The following AKT3 variants were observed in gnomAD, a reference collection of about 807,000 sequenced individuals.
AKT3 encodes the protein RAC-gamma serine/threonine-protein kinase.
A neutral mutation model predicts 65.3 loss-of-function variants in AKT3; 15 were observed. The observed-to-expected ratio is 0.23, with a 90% CI of 0.15 to 0.35. The LOEUF (loss-of-function observed/expected upper bound fraction) is 0.35, where lower values mean the gene tolerates loss of function less well. AKT3 is among the 10% of genes least tolerant of loss of function. The pLI is 1.00. For missense variants in AKT3, 243 were observed against 576.5 expected (o/e 0.42, Z 5.92); for synonymous variants, 206 against 183.8 (o/e 1.12, Z -0.98).
chr1:243,660,558 T>C (rs545328191), intron 4 of AKT3, among the ~76,000 whole-genome samples: 52 of 152,276 alleles, frequency 3.4e-4, no homozygotes, highest in Admixed American at 7.9e-4. Context: ...ATGGGATGTA[T>C]CTCAAAATAA....
At position 243,850,021 on chromosome 1, in the gene AKT3, TG is replaced by T. The variant is rs1457940523; in HGVS notation, c.-113+18del. 8.8e-5 allele frequency: 85 copies of T among 966,812 alleles called. No homozygotes were observed. Among genetic ancestry groups the T allele is most frequent in the Non-Finnish European group, 9.8e-5 (80 of 818,852 alleles). The allele number at this position is 966,812 out of a possible 1,614,324, so 59.9% of individuals were successfully genotyped here. A position where few individuals can be genotyped will look rare whatever the true frequency, so the allele number is the denominator to read the frequency against. ...GGCCAGGCGGGGAGGGGGCTAGAGT[TG>T]GGGGCGGTGGCTGTTACCTGCAACG... On this transcript the variant is annotated intron_variant, in intron 1 of 13. Transcript: ENST00000673466.
In AKT3 at chr1:243,664,287, C is replaced by A. The variant is rs558434042; in HGVS notation, c.284+485G>T. On this transcript the variant is annotated intron_variant, in intron 4 of 13. Transcript: ENST00000673466. ...TCTCGGCTCACTGCAAGCTCCACCTCCTGGGTTCATGCCATTCTCCTGCCT... is the reference window on the plus strand; with the variant it reads ...TCTCGGCTCACTGCAAGCTCCACCTACTGGGTTCATGCCATTCTCCTGCCT... Among the ~76,000 whole-genome samples, 12 of 147,292 alleles carry A rather than the reference C, an allele frequency of 8.1e-5. No individual in the cohort carries two copies. In the East Asian group the frequency reaches 2.4e-3, roughly 30 times the overall value.
chr1:243,655,211 T>G (rs548826145), intron 4 of AKT3, among the ~76,000 whole-genome samples: 1 of 152,140 alleles, frequency 6.6e-6, no homozygotes, highest in Non-Finnish European at 1.5e-5. Context: ...TGAGGTCTAG[T>G]TTGCTATTAA....
chr1:243,696,389 C>A (rs1275598705), intron 2 of AKT3, among the ~76,000 whole-genome samples: 1 of 151,840 alleles, frequency 6.6e-6, no homozygotes, highest in Admixed American at 6.6e-5. Context: ...TAAATGTATA[C>A]TTTATTAGAA....
intron 2 of AKT3, among the ~76,000 whole-genome samples, chr1:243,760,714 T>G (rs923331228): frequency 6.6e-6 from 1 of 152,174 alleles, no homozygotes; most frequent in Non-Finnish European, 1.5e-5. Flanking sequence ...AGTGCCATGT[T>G]TTTCACATTT....
At chr1:243,514,039 G>A (rs1670190357) in intron 12 of AKT3, among the ~76,000 whole-genome samples, 1 of 152,096 alleles carries the variant, frequency 6.6e-6, no homozygotes, top group South Asian at 2.1e-4. Flanking sequence ...AGAAAACCAA[G>A]GGGGTAATTG....
At chr1:243,780,505 T>A (rs1690840338) in intron 2 of AKT3, among the ~76,000 whole-genome samples, 2 of 151,670 alleles carry the variant, frequency 1.3e-5, no homozygotes, top group Non-Finnish European at 2.9e-5. Flanking sequence ...TGTCTCAAAT[T>A]TACCCTAAAA....
Position 243,501,891 on chromosome 1 carries a change from AT to A in AKT3, c.*3357del. The A allele has an allele frequency of 4.3e-6, 1 of 232,766 alleles. No homozygotes were observed. Among genetic ancestry groups the A allele is most frequent in the Non-Finnish European group, 8.5e-6 (1 of 117,774 alleles). The allele number at this position is 232,766 out of a possible 1,614,324, so 14.4% of individuals were successfully genotyped here. The stretch of plus-strand genomic sequence containing the variant: ...AAACAGTTTCTCCTAGTTATTCCAC[AT>A]CCTTGTGGGTCATATACTTCAGGAA... On this transcript the variant is annotated 3_prime_UTR_variant, in exon 14 of 14. Coordinates refer to ENST00000673466, the MANE Select transcript of AKT3 (RefSeq NM_005465.7).
chr1:243,661,214 G>C (rs1682295716), intron 4 of AKT3, among the ~76,000 whole-genome samples: 1 of 152,058 alleles, frequency 6.6e-6, no homozygotes, highest in Non-Finnish European at 1.5e-5. Context: ...CTACTTTAAA[G>C]TACATATGGA....
chr1:243,509,820 A>G (rs1669909295), intron 13 of AKT3, among the ~76,000 whole-genome samples: 4 of 152,128 alleles, frequency 2.6e-5, no homozygotes, highest in Admixed American at 2.6e-4. Flanking sequence ...ACGGGAGGAC[A>G]AAAACGCCAC....
At chr1:243,751,638 C>T (rs1688819007) in intron 2 of AKT3, among the ~76,000 whole-genome samples, 2 of 152,088 alleles carry the variant, frequency 1.3e-5, no homozygotes, top group Admixed American at 6.5e-5. Context: ...CTGGAAGATA[C>T]ACAGGGACTC....
chr1:243,554,785 T>C (rs1417479927), intron 10 of AKT3, among the ~76,000 whole-genome samples: 2 of 152,082 alleles, frequency 1.3e-5, no homozygotes, highest in East Asian at 3.9e-4. Flanking sequence ...TTAACCTCTT[T>C]TTTTTTTCAT....
downstream of AKT3, among the ~76,000 whole-genome samples, chr1:243,498,966 G>A (rs1031187384): frequency 2.0e-5 from 3 of 152,368 alleles, no homozygotes; most frequent in African/African-American, 7.2e-5. Flanking sequence ...GGCGAGGACT[G>A]TGGCCCAGTC....
chr1:243,673,746 C>A (rs965638843), intron 3 of AKT3, among the ~76,000 whole-genome samples: 3 of 151,496 alleles, frequency 2.0e-5, no homozygotes, highest in Admixed American at 6.6e-5. Flanking sequence ...TCCGGAGTAG[C>A]GAGGACTACA....
Position 243,777,584 on chromosome 1 carries a change from A to T in AKT3, c.46+65541T>A, listed in dbSNP as rs143275720. ...GTCTTTCTTATGACAACTTGAGATG[A>T]ATAGAATCACACTGCTTGAATGAGA... is the stretch of plus-strand genomic sequence containing the variant. On this transcript the variant is annotated intron_variant, in intron 2 of 13. Transcript: ENST00000673466. 4.7e-3 allele frequency among the ~76,000 whole-genome samples: 723 copies of T among 152,316 alleles called. 8 individuals carry two copies. The highest frequency in any genetic ancestry group is 0.017 in the African/African-American group (688 of 41,576).
chr1:243,673,909 G>A (rs550996350), intron 3 of AKT3, among the ~76,000 whole-genome samples: 62 of 152,192 alleles, frequency 4.1e-4, no homozygotes, highest in East Asian at 1.7e-3. Context: ...CACTGTGCCC[G>A]GTCTATTTTT....
At chr1:243,675,390 G>A (rs933844276) in intron 3 of AKT3, among the ~76,000 whole-genome samples, 2 of 152,054 alleles carry the variant, frequency 1.3e-5, no homozygotes, top group African/African-American at 2.4e-5. Context: ...TAGTAGAGAC[G>A]GGGTTTCACC....
intron 2 of AKT3, among the ~76,000 whole-genome samples, chr1:243,703,484 G>A (rs1323811279): frequency 6.6e-6 from 1 of 152,068 alleles, no homozygotes; most frequent in Non-Finnish European, 1.5e-5. Context: ...TCCTGGGCCA[G>A]GCGTGGTTGC....
intron 11 of AKT3, chr1:243,548,336 G>C (rs1309290066): frequency 6.6e-6 from 1 of 152,084 alleles, no homozygotes; most frequent in Non-Finnish European, 1.5e-5. Flanking sequence ...TCCAGCTTTA[G>C]TTATCCATTT....
Sources: gnomAD v4.1 joint callset for allele counts (sites outside exome capture counted in the v4.1 genomes callset) on GRCh38, gnomAD v4.1.1 for gene constraint, MANE v1.5 for transcripts, NCBI Gene and HGNC (gene_info 2026-07-23, HGNC 2026-07-21) for gene names.